PPP2R5E: variants seen among roughly 807,000 people sequenced by gnomAD.
PPP2R5E encodes the protein protein phosphatase 2 regulatory subunit B'epsilon.
PPP2R5E carries 4 observed loss-of-function variants against 65.3 expected under a neutral mutation model. The ratio of observed to expected loss-of-function variants is 0.06; its 90% CI spans 0.03 to 0.14. PPP2R5E has a LOEUF of 0.14. PPP2R5E is among the 10% of genes least tolerant of loss of function. The pLI, the probability that PPP2R5E is intolerant of heterozygous loss-of-function variation, is 1.00. For synonymous variants in PPP2R5E, 183 were observed against 187.4 expected (o/e 0.98, Z 0.19); for missense variants, 274 against 556.1 (o/e 0.49, Z 5.10).
intron 1 of PPP2R5E, among the ~76,000 whole-genome samples, chr14:63,540,974 C>T (rs985263299): frequency 2.0e-5 from 3 of 152,114 alleles, no homozygotes; most frequent in African/African-American, 7.2e-5. Flanking sequence ...TGGAAAACTT[C>T]CATTGATACA....
At chr14:63,378,072 AT>A (rs1268788627) in intron 13 of PPP2R5E, among the ~76,000 whole-genome samples, 2 of 152,214 alleles carry the variant, frequency 1.3e-5, no homozygotes, top group Non-Finnish European at 2.9e-5. Flanking sequence ...TTGACAAATT[AT>A]CACTTTTTGT....
At chr14:63,459,225 C>T (rs1012178258) in intron 2 of PPP2R5E, among the ~76,000 whole-genome samples, 1 of 152,194 alleles carries the variant, frequency 6.6e-6, no homozygotes, top group Non-Finnish European at 1.5e-5. Flanking sequence ...GCTAGGTACA[C>T]TAGCATATGC....
chr14:63,517,475 A>T (rs1329649723), intron 2 of PPP2R5E, among the ~76,000 whole-genome samples: 5 of 152,086 alleles, frequency 3.3e-5, no homozygotes, highest in African/African-American at 4.8e-5. Flanking sequence ...CAAAAACCCC[A>T]AACTCCACAG....
At chr14:63,411,742 C>T (rs1886402232) in intron 5 of PPP2R5E, among the ~76,000 whole-genome samples, 1 of 151,894 alleles carries the variant, frequency 6.6e-6, no homozygotes, top group Non-Finnish European at 1.5e-5. Context: ...ACACATGCTC[C>T]CCTTTTGCTT....
intron 3 of PPP2R5E, among the ~76,000 whole-genome samples, chr14:63,424,045 G>A (rs1887189261): frequency 6.6e-6 from 1 of 152,192 alleles, no homozygotes; most frequent in East Asian, 1.9e-4. Flanking sequence ...GGCAGGAAGA[G>A]GACAAGTTAG....
chr14:63,538,156 T>G (rs1893748888), intron 2 of PPP2R5E, among the ~76,000 whole-genome samples: 1 of 152,060 alleles, frequency 6.6e-6, no homozygotes, highest in East Asian at 1.9e-4. Flanking sequence ...GATGGCATGC[T>G]TCTGTAGTCC....
In PPP2R5E at chr14:63,495,848, GC is replaced by G. The variant is rs1231231116; in HGVS notation, c.158-41964del. On this transcript the variant is annotated intron_variant, in intron 2 of 13. Transcript: ENST00000337537. ...TGAGAAAACAGGCATGTACCACCTT[GC>G]CCAGCTAGTTTCTTTGATTTTTGTA... Among the ~76,000 whole-genome samples, 3 of 151,642 alleles carry G rather than the reference GC, an allele frequency of 2.0e-5. No individual in the cohort carries two copies. The East Asian group carries it at 5.8e-4, about 29-fold the overall frequency.
chr14:63,527,107 T>G lies in PPP2R5E; in HGVS notation c.157+12422A>C, dbSNP rs1378360087. ...TCACTTGAACCCAGGAGGTGGGGGT[T>G]GCAGTGAGTCAAGATCAAGCCGTTG... On this transcript the variant is annotated intron_variant, in intron 2 of 13. Transcript: ENST00000337537. 2.6e-5 allele frequency among the ~76,000 whole-genome samples: 4 copies of G among 152,248 alleles called. No individual in the cohort carries two copies. The East Asian group carries it at 7.7e-4, about 29-fold the overall frequency.
chr14:63,432,150 C>T (rs1364825506), intron 3 of PPP2R5E, among the ~76,000 whole-genome samples: 1 of 151,800 alleles, frequency 6.6e-6, no homozygotes, highest in Non-Finnish European at 1.5e-5. Flanking sequence ...GTACTATTTT[C>T]ATAACACACA....
intron 3 of PPP2R5E, among the ~76,000 whole-genome samples, chr14:63,442,525 T>C (rs1888284903): frequency 6.6e-6 from 1 of 152,118 alleles, no homozygotes; most frequent in African/African-American, 2.4e-5. Flanking sequence ...CTTCCCATGG[T>C]TTCAGTCACC....
chr14:63,439,745 A>C (rs1238671030), intron 3 of PPP2R5E, among the ~76,000 whole-genome samples: 3 of 152,218 alleles, frequency 2.0e-5, no homozygotes, highest in African/African-American at 7.2e-5. Flanking sequence ...CTGTACACAC[A>C]TAAGTGCTTC....
intron 2 of PPP2R5E, among the ~76,000 whole-genome samples, chr14:63,505,036 A>G (rs1460921206): frequency 6.6e-6 from 1 of 152,152 alleles, no homozygotes; most frequent in African/African-American, 2.4e-5. Context: ...AAGAAATCTT[A>G]AAGTATTACT....
intron 2 of PPP2R5E, among the ~76,000 whole-genome samples, chr14:63,523,211 C>A (rs1893036093): frequency 6.6e-6 from 1 of 151,774 alleles, no homozygotes; most frequent in South Asian, 2.1e-4. Flanking sequence ...GGAGGTGTGC[C>A]CGGCAGCTCA....
chr14:63,485,478 G>C (rs910114424), intron 2 of PPP2R5E, among the ~76,000 whole-genome samples: 6 of 152,118 alleles, frequency 3.9e-5, no homozygotes, highest in African/African-American at 1.4e-4. Flanking sequence ...GCAACAGCAC[G>C]ATCTCGGCTC....
Position 63,510,635 on chromosome 14 carries a change from C to T in PPP2R5E, c.157+28894G>A, listed in dbSNP as rs565629242. Among the ~76,000 whole-genome samples the T allele has an allele frequency of 5.9e-5, 9 of 152,306 alleles. No homozygotes were observed. In the South Asian group the frequency reaches 8.3e-4, roughly 14 times the overall value. ...AGAAAACCACAAATGCAAAGCCCTACGGCCTGTTAGTGTGTTTGAGAAACA... is the reference window on the plus strand; with the variant it reads ...AGAAAACCACAAATGCAAAGCCCTATGGCCTGTTAGTGTGTTTGAGAAACA... On this transcript the variant is annotated intron_variant, in intron 2 of 13. Coordinates refer to ENST00000337537, the MANE Select transcript of PPP2R5E (RefSeq NM_006246.5).
chr14:63,432,671 G>A (rs1437457426), intron 3 of PPP2R5E, among the ~76,000 whole-genome samples: 2 of 152,124 alleles, frequency 1.3e-5, no homozygotes, highest in African/African-American at 2.4e-5. Context: ...AAGAGACTGG[G>A]GGAAGGGGAG....
At chr14:63,390,189 A>G (rs1349983959) in intron 10 of PPP2R5E, among the ~76,000 whole-genome samples, 5 of 152,124 alleles carry the variant, frequency 3.3e-5, no homozygotes, top group South Asian at 4.1e-4. Context: ...TCAATGCTCT[A>G]GAACGCACTC....
At chr14:63,386,486 G>A (rs1884672908) in intron 11 of PPP2R5E, among the ~76,000 whole-genome samples, 2 of 152,176 alleles carry the variant, frequency 1.3e-5, no homozygotes, top group African/African-American at 4.8e-5. Flanking sequence ...ACACTGGTGG[G>A]AGAAGGGGCA....
At chr14:63,417,531 A>T (rs1479411451) in intron 4 of PPP2R5E, among the ~76,000 whole-genome samples, 1 of 152,162 alleles carries the variant, frequency 6.6e-6, no homozygotes, top group African/African-American at 2.4e-5. Context: ...CAGCTCAAAA[A>T]CTATTACACA....
Sources: allele counts gnomAD v4.1 joint callset (sites outside exome capture counted in the v4.1 genomes callset), GRCh38; gene constraint gnomAD v4.1.1; transcripts MANE v1.5; gene names NCBI Gene and HGNC (gene_info 2026-07-23, HGNC 2026-07-21).